The following FAM13B variants were observed in gnomAD, a reference collection of about 807,000 sequenced individuals.
FAM13B encodes the protein protein FAM13B.
FAM13B carries 60 observed loss-of-function variants against 117.3 expected under a neutral mutation model. That is an observed-to-expected ratio of 0.51 (90% confidence interval 0.42 to 0.63). The LOEUF (loss-of-function observed/expected upper bound fraction) is 0.63, where lower values mean the gene tolerates loss of function less well. FAM13B is among the 30% of genes least tolerant of loss of function. FAM13B has a pLI of 0.00. For synonymous variants in FAM13B, 332 were observed against 356.1 expected (o/e 0.93, Z 0.76); for missense variants, 972 against 1,091.9 (o/e 0.89, Z 1.55).
Position 137,952,648 on chromosome 5 carries a change from T to A in FAM13B, c.1910A>T (p.Lys637Ile). Reference sequence around the variant, plus strand: ...TATACCTTTAATTTGCTTCCGCAGTTTTGTAAGCTCTGTCATCCATTTTAA... The same window carrying A: ...TATACCTTTAATTTGCTTCCGCAGTATTGTAAGCTCTGTCATCCATTTTAA... ...KVLKWMTELT[K>I]LRKQIKDAKH... Residue 637 changes from lysine (K) to isoleucine (I), a missense_variant, in exon 17 of 24, where the codon AAA (lysine) becomes ATA (isoleucine). Physicochemically the swap from Lys to Ile is moderately radical, Grantham distance 102. Coordinates refer to ENST00000689681, the MANE Select transcript of FAM13B (RefSeq NM_001385994.1). 6.2e-7 allele frequency: 1 copy of A among 1,600,090 alleles called. No individual in the cohort carries two copies. The highest frequency in any genetic ancestry group is 8.5e-7 in the Non-Finnish European group (1 of 1,172,688).
At chr5:138,006,367 A>T (rs1004318027) in intron 7 of FAM13B, among the ~76,000 whole-genome samples, 2 of 152,228 alleles carry the variant, frequency 1.3e-5, no homozygotes, top group Non-Finnish European at 1.5e-5. Flanking sequence ...TATGGGGAGT[A>T]TGACAATGTA....
intron 7 of FAM13B, among the ~76,000 whole-genome samples, chr5:137,997,892 A>C (rs1780248465): frequency 6.6e-6 from 1 of 152,148 alleles, no homozygotes; most frequent in Non-Finnish European, 1.5e-5. Flanking sequence ...AAATTTCTTA[A>C]ATTGGGAGGC....
chr5:138,039,994 C>G (rs911603947), intron 1 of FAM13B: 3 of 152,026 alleles, frequency 2.0e-5, no homozygotes, highest in African/African-American at 7.3e-5. Flanking sequence ...TGGCCGGGCA[C>G]GGTGGTTCAA....
At chr5:138,027,476 T>G (rs1384811645) in intron 1 of FAM13B, among the ~76,000 whole-genome samples, 1 of 152,182 alleles carries the variant, frequency 6.6e-6, no homozygotes, top group Non-Finnish European at 1.5e-5. Context: ...ATTCAGCTTC[T>G]TACTAGCTGG....
chr5:137,938,859 G>A lies in FAM13B; in HGVS notation c.*1366C>T, dbSNP rs1760872530. The A allele has an allele frequency of 6.6e-6, 1 of 152,182 alleles. No homozygotes were observed. The highest frequency in any genetic ancestry group is 1.5e-5 in the Non-Finnish European group (1 of 68,018). 9.4% of individuals were successfully genotyped at this position (152,182 alleles called of 1,614,324 possible). A position where few individuals can be genotyped will look rare whatever the true frequency, so the allele number is the denominator to read the frequency against. ...TTAGCTAGTTAAGAAAACCATGCAT[G>A]AGTCATTGCATGCAAAACATGGGTA... On this transcript the variant is annotated 3_prime_UTR_variant, in exon 24 of 24. Transcript: ENST00000689681.
Position 138,044,938 on chromosome 5 carries a change from C to G in FAM13B, c.-203+6940G>C, listed in dbSNP as rs138795276. Reference sequence around the variant, plus strand: ...CAAACTAAAAAATACAACTTTACATCCACCATAATAAACTCGCCAGCATGG... The same window carrying G: ...CAAACTAAAAAATACAACTTTACATGCACCATAATAAACTCGCCAGCATGG... On this transcript the variant is annotated intron_variant, in intron 1 of 3. Transcript: ENST00000502471. Among the ~76,000 whole-genome samples the G allele has an allele frequency of 5.5e-3, 834 of 152,316 alleles. 4 individuals are homozygous for G. The highest frequency in any genetic ancestry group is 0.02 in the Middle Eastern group (6 of 294).
intron 22 of FAM13B, chr5:137,942,602 A>C: frequency 2.7e-6 from 1 of 366,208 alleles, no homozygotes. Context: ...GCCTCAAGGG[A>C]TCCTCCTGCC....
rs1790583733 is a variant in FAM13B at position 138,033,014 on chromosome 5, G to C, written c.-435C>G. The C allele has an allele frequency of 2.0e-6, 2 of 987,166 alleles. No individual in the cohort carries two copies. The allele number at this position is 987,166 out of a possible 1,614,324, so 61.2% of individuals were successfully genotyped here. ...GACGCAGACGCGGAACAGGGGGAGA[G>C]AGTGGCGACAGAGGCGGCGGCTGAG... On this transcript the variant is annotated 5_prime_UTR_variant, in exon 1 of 24. Transcript: ENST00000689681.
At chr5:138,004,085 A>T (rs1345562322) in intron 7 of FAM13B, among the ~76,000 whole-genome samples, 1 of 152,040 alleles carries the variant, frequency 6.6e-6, no homozygotes, top group Non-Finnish European at 1.5e-5. Context: ...CCTGGCCAAC[A>T]TGGTGAAATC....
At chr5:137,982,544 CA>C (rs1776053666) in intron 10 of FAM13B, among the ~76,000 whole-genome samples, 2 of 145,418 alleles carry the variant, frequency 1.4e-5, no homozygotes, top group East Asian at 2.0e-4. Flanking sequence ...ACAACAACAA[CA>C]ACCTTCATTC....
rs13163074 is a variant in FAM13B, at chr5:137,954,136, G to A, written c.1718+30C>T. On this transcript the variant is annotated intron_variant, in intron 15 of 23. Coordinates refer to ENST00000689681, the MANE Select transcript of FAM13B (RefSeq NM_001385994.1). ...AAGACTTGGGTACATAATAGGAATT[G>A]CCTCTTGTAAGTACATAAAAATCAT... 4 of 1,521,336 alleles carry A rather than the reference G, an allele frequency of 2.6e-6. No individual in the cohort carries two copies. The Admixed American group carries it at 5.2e-5, about 20-fold the overall frequency. The allele number at this position is 1,521,336 out of a possible 1,614,324, so 94.2% of individuals were successfully genotyped here.
At chr5:138,044,360 TGA>T (rs1791583455) in intron 1 of FAM13B, among the ~76,000 whole-genome samples, 1 of 152,146 alleles carries the variant, frequency 6.6e-6, no homozygotes, top group Non-Finnish European at 1.5e-5. Context: ...GAGACCAGCC[TGA>T]CCAATGTGGT....
intron 9 of FAM13B, among the ~76,000 whole-genome samples, chr5:137,985,703 A>G (rs537022283): frequency 6.6e-6 from 1 of 152,044 alleles, no homozygotes; most frequent in African/African-American, 2.4e-5. Flanking sequence ...CATAATAATG[A>G]CACATCTGTC....
chr5:137,999,304 G>A (rs1477541114), intron 7 of FAM13B, among the ~76,000 whole-genome samples: 2 of 151,972 alleles, frequency 1.3e-5, no homozygotes, highest in African/African-American at 2.4e-5. Context: ...CTGGCCAGGC[G>A]CAGTGGCTCA....
At chr5:137,984,993 T>G (rs1046987553) in intron 10 of FAM13B, among the ~76,000 whole-genome samples, 4 of 152,030 alleles carry the variant, frequency 2.6e-5, no homozygotes, top group African/African-American at 9.7e-5. Context: ...ATGGTCTCGA[T>G]CTCCTGACCT....
At chr5:138,011,741 T>G in intron 5 of FAM13B, 27 bp downstream of exon 5, 1 of 1,572,340 alleles carries the variant, frequency 6.4e-7, no homozygotes. Context: ...TTTTAAAAAT[T>G]AAACAAAAAT....
At chr5:138,011,254 C>T in intron 5 of FAM13B, 105 bp from the exon 6 acceptor site, 1 of 1,020,092 alleles carries the variant, frequency 9.8e-7, no homozygotes, top group Non-Finnish European at 1.4e-6. Flanking sequence ...ATTTATGTTA[C>T]CATTCTGTGC....
chr5:138,009,743 T>G (rs1376463201), intron 6 of FAM13B, among the ~76,000 whole-genome samples: 1 of 134,542 alleles, frequency 7.4e-6, no homozygotes, highest in Non-Finnish European at 1.5e-5. Flanking sequence ...AGACAGGGGT[T>G]GCAGTGAGCC....
intron 10 of FAM13B, among the ~76,000 whole-genome samples, chr5:137,980,655 G>A (rs1048030810): frequency 2.0e-5 from 3 of 151,270 alleles, no homozygotes; most frequent in Non-Finnish European, 2.9e-5. Context: ...GCCCAGGCTG[G>A]CCTTGAACTC....
Sources: gnomAD v4.1 joint callset for allele counts (sites outside exome capture counted in the v4.1 genomes callset) on GRCh38, gnomAD v4.1.1 for gene constraint, MANE v1.5 for transcripts, NCBI Gene and HGNC (gene_info 2026-07-23, HGNC 2026-07-21) for gene names.